Variants in ASIC5 observed in about 807,000 individuals in gnomAD.
The protein encoded by ASIC5 is acid sensing ion channel subunit family member 5.
In ASIC5, 52 loss-of-function variants were observed where a neutral mutation model predicts 51.2. That is an observed-to-expected ratio of 1.02 (90% CI 0.81 to 1.28). The LOEUF (loss-of-function observed/expected upper bound fraction) is 1.28, where lower values mean the gene tolerates loss of function less well. Ranked by LOEUF, ASIC5 falls within the 50% of genes most tolerant of loss-of-function variation. ASIC5 has a pLI of 0.00. For synonymous variants in ASIC5, 231 were observed against 200.7 expected (o/e 1.15, Z -1.28); for missense variants, 635 against 595.0 (o/e 1.07, Z -0.70).
rs1340501578 is a variant in ASIC5 at position 155,842,269 on chromosome 4, A to G, written c.947T>C (p.Leu316Ser). 1.2e-6 allele frequency: 2 copies of G among 1,613,602 alleles called. No individual in the cohort carries two copies. The highest frequency in any genetic ancestry group is 1.7e-6 in the Non-Finnish European group (2 of 1,179,772). ...NFSSYSTSGC[L>S]KECKAQHIKK... ...TATGTGCTGGGCTTTGCATTCCTTC[A>G]AGCAACCAGAAGTGCTGTAGCTGCT... The change falls in exon 6 of 10, where the codon TTG becomes TCG. Residue 316 changes from leucine (L) to serine (S), a missense_variant. Physicochemically the swap from Leu to Ser is moderately radical, Grantham distance 145 (BLOSUM62 -2). Coordinates refer to ENST00000537611, the MANE Select transcript of ASIC5 (RefSeq NM_017419.3).
At chr4:155,859,879 G>A (rs1190458226) in intron 2 of ASIC5, among the ~76,000 whole-genome samples, 1 of 151,994 alleles carries the variant, frequency 6.6e-6, no homozygotes, top group African/African-American at 2.4e-5. Flanking sequence ...AATACAAATT[G>A]TATTTTGCTT....
chr4:155,863,905 G>A (rs1446104137), intron 1 of ASIC5, 151 bp from the exon 2 acceptor site: 3 of 689,164 alleles, frequency 4.4e-6, no homozygotes, highest in Non-Finnish European at 7.1e-6. Context: ...TTTGTTGCAT[G>A]ATTTATTCAG....
In ASIC5 at chr4:155,866,187, C is replaced by T; in HGVS notation, c.40G>A (p.Gly14Arg). 6.3e-7 allele frequency: 1 copy of T among 1,597,844 alleles called. No homozygotes were observed. The highest frequency in any genetic ancestry group is 1.1e-5 in the South Asian group (1 of 90,268). The change falls in exon 1 of 10, where the codon GGA (glycine) becomes AGA (arginine). Residue 14 changes from glycine to arginine, a missense_variant and splice_region_variant. By Grantham distance (125) the Gly-to-Arg change is moderately radical. Coordinates refer to ENST00000537611, the MANE Select transcript of ASIC5 (RefSeq NM_017419.3). ...TEKSKVYAEN[G>R]LLEKIKLCLS... ...TCTGAGGAGTTCACTCTTTACTCAC[C>T]GTTCTCAGCATATACTTTTGATTTT...
chr4:155,858,462 G>T (rs1356799322), intron 2 of ASIC5, among the ~76,000 whole-genome samples: 1 of 151,960 alleles, frequency 6.6e-6, no homozygotes, highest in Non-Finnish European at 1.5e-5. Flanking sequence ...TCATAAAGAG[G>T]CTAAAAAATG....
chr4:155,840,600 C>T (rs1213252530), intron 6 of ASIC5, among the ~76,000 whole-genome samples: 1 of 151,448 alleles, frequency 6.6e-6, no homozygotes, highest in African/African-American at 2.4e-5. Context: ...CATTCTTGGG[C>T]GTTCGCTGAA....
At chr4:155,863,347 T>C in intron 2 of ASIC5, 101 bp downstream of exon 2, 1 of 923,278 alleles carries the variant, frequency 1.1e-6, no homozygotes, top group South Asian at 1.8e-5. Flanking sequence ...TGGTTTTACA[T>C]ATGATAAGTT....
chr4:155,866,055 A>G (rs1316741813), intron 1 of ASIC5, 132 bp downstream of exon 1: 2 of 492,546 alleles, frequency 4.1e-6, no homozygotes, highest in African/African-American at 2.0e-5. Context: ...TAAAACTTAT[A>G]TTACTTATAT....
intron 7 of ASIC5, among the ~76,000 whole-genome samples, chr4:155,837,903 C>T (rs1281147935): frequency 1.3e-5 from 2 of 152,018 alleles, no homozygotes; most frequent in Non-Finnish European, 2.9e-5. Flanking sequence ...CGCTAAACTG[C>T]ATGCATGGTT....
At chr4:155,861,092 T>G (rs557701705) in intron 2 of ASIC5, among the ~76,000 whole-genome samples, 67 of 152,110 alleles carry the variant, frequency 4.4e-4, no homozygotes, top group Middle Eastern at 3.4e-3. Context: ...ACCTCTAATT[T>G]TATTCTATTG....
At chr4:155,835,653 A>T (rs1225592252) in intron 8 of ASIC5, among the ~76,000 whole-genome samples, 1 of 152,220 alleles carries the variant, frequency 6.6e-6, no homozygotes, top group Admixed American at 6.5e-5. Context: ...ATTAAAACAA[A>T]ATATATAAAT....
intron 2 of ASIC5, among the ~76,000 whole-genome samples, chr4:155,862,742 G>A (rs909949667): frequency 1.3e-4 from 20 of 152,102 alleles, no homozygotes; most frequent in African/African-American, 4.3e-4. Context: ...TCACAGACCC[G>A]TGGAGCTGGC....
chr4:155,851,894 A>G (rs1741389825), intron 4 of ASIC5, among the ~76,000 whole-genome samples: 1 of 151,990 alleles, frequency 6.6e-6, no homozygotes, highest in Admixed American at 6.6e-5. Flanking sequence ...TAAAATAGCT[A>G]CATACATTGC....
intron 4 of ASIC5, among the ~76,000 whole-genome samples, chr4:155,845,885 G>C (rs1019330562): frequency 6.6e-6 from 1 of 151,930 alleles, no homozygotes; most frequent in Non-Finnish European, 1.5e-5. Flanking sequence ...CAACTGCCTA[G>C]GGTTGTAAAA....
At chr4:155,853,572 GTTA>G (rs1242923349) in intron 3 of ASIC5, among the ~76,000 whole-genome samples, 62 of 2,662 alleles carry the variant, frequency 0.023, 2 homozygotes, top group Admixed American at 0.097. Flanking sequence ...ATATATACTA[GTTA>G]TTATATATAA....
At chr4:155,854,047 G>T in intron 3 of ASIC5, 30 bp downstream of exon 3, 1 of 1,501,528 alleles carries the variant, frequency 6.7e-7, no homozygotes, top group Non-Finnish European at 9.2e-7. Flanking sequence ...TTATTACTTT[G>T]ATTATATTTG....
chr4:155,838,759 A>G (rs1741049792), intron 7 of ASIC5, 54 bp downstream of exon 7: 1 of 1,084,692 alleles, frequency 9.2e-7, no homozygotes, highest in Non-Finnish European at 1.4e-6. Context: ...GTCTTATATT[A>G]CTTTGAGCAA....
At chr4:155,863,412 A>G in intron 2 of ASIC5, 36 bp downstream of exon 2, 1 of 1,493,258 alleles carries the variant, frequency 6.7e-7, no homozygotes, top group East Asian at 2.4e-5. Context: ...TAGCAAATTT[A>G]TAGGAACTAA....
rs772315328 is a variant in ASIC5, at chr4:155,829,839, T to A, written c.*17A>T. On this transcript the variant is annotated 3_prime_UTR_variant, in exon 10 of 10. Transcript: ENST00000537611. ...GAAGGTATCATGAAAAGGAAACTAT[T>A]TTATTCTAAGTGACCATTAACACTC... is the stretch of plus-strand genomic sequence containing the variant. 4 of 1,468,966 alleles carry A rather than the reference T, an allele frequency of 2.7e-6. No homozygotes were observed. The East Asian group carries it at 1.0e-4, about 38-fold the overall frequency. The allele number at this position is 1,468,966 out of a possible 1,614,324, so 91.0% of individuals were successfully genotyped here. A position where few individuals can be genotyped will look rare whatever the true frequency, so the allele number is the denominator to read the frequency against.
rs772709181 is a variant in ASIC5 at position 155,854,284 on chromosome 4, A to G, written c.378T>C (p.Gly126=). The G allele has an allele frequency of 2.5e-6, 4 of 1,612,824 alleles. No individual in the cohort carries two copies. The highest frequency in any genetic ancestry group is 3.4e-6 in the Non-Finnish European group (4 of 1,179,212). Residue 126 remains glycine (G), a synonymous_variant, in exon 3 of 10, where the codon GGT becomes GGC. Transcript: ENST00000537611. ...RFQTDAVAKF[G]VIFFLWHIVS... ...CAATGTGCCATAAGAAAAAAATAAC[A>G]CCAAATTTGGCTACAGCATCTGTTT... is the stretch of plus-strand genomic sequence containing the variant.
Sources: allele counts gnomAD v4.1 joint callset (sites outside exome capture counted in the v4.1 genomes callset), GRCh38; gene constraint gnomAD v4.1.1; transcripts MANE v1.5; gene names NCBI Gene and HGNC (gene_info 2026-07-23, HGNC 2026-07-21).